Variants in AZIN2 observed in about 807,000 individuals in gnomAD.
AZIN2 encodes antizyme inhibitor 2, also known as ODC antizyme inhibitor-2.
Under a neutral mutation model 47.8 loss-of-function variants are expected in AZIN2, and 28 were observed. The ratio of observed to expected loss-of-function variants is 0.59; its 90% confidence interval spans 0.43 to 0.80. The LOEUF (loss-of-function observed/expected upper bound fraction) is 0.80. Ranked by LOEUF, AZIN2 falls within the 30% of genes least tolerant of loss-of-function variation. The probability of loss-of-function intolerance (pLI) is 0.00; values close to 1 mark genes in which losing one functional copy is unlikely to be tolerated. For missense variants in AZIN2, 535 were observed against 582.5 expected, an observed-to-expected ratio of 0.92 and a Z score of 0.84; for synonymous variants, 221 against 239.4, an observed-to-expected ratio of 0.92 and a Z score of 0.71.
chr1:33,101,928 C>T (rs749842261), intron 10 of AZIN2: 6 of 774,216 alleles, frequency 7.7e-6, no homozygotes, highest in Non-Finnish European at 1.4e-5. Context: ...TTTATTTGTC[C>T]ATTCTCCTCT....
At chr1:33,130,888 C>G in the AZIN2 span, among the ~76,000 whole-genome samples, 1 of 152,048 alleles carries the variant, frequency 6.6e-6, no homozygotes, top group Non-Finnish European at 1.5e-5. Flanking sequence ...TGAGATATGT[C>G]TGGAAAAAGA....
At chr1:33,084,679 CT>C (rs1641684979) in intron 5 of AZIN2, among the ~76,000 whole-genome samples, 1 of 152,118 alleles carries the variant, frequency 6.6e-6, no homozygotes, top group Admixed American at 6.5e-5. Context: ...TCACTGCAAC[CT>C]TCGCCTCCCG....
chr1:33,160,296 G>C, the AZIN2 span, among the ~76,000 whole-genome samples: 1 of 152,114 alleles, frequency 6.6e-6, no homozygotes, highest in Non-Finnish European at 1.5e-5. Flanking sequence ...ATAATGCCCA[G>C]GTTTCTGGCT....
In AZIN2 at chr1:33,113,349, T is replaced by C. The variant is rs564256286; in HGVS notation, c.1030-4553T>C. Among the ~76,000 whole-genome samples, 25 of 152,364 alleles carry C rather than the reference T, an allele frequency of 1.6e-4. No individual in the cohort carries two copies. Among genetic ancestry groups the C allele is most frequent in the Middle Eastern group, 3.4e-3 (1 of 294 alleles). On this transcript the variant is annotated intron_variant, in intron 10 of 11. Coordinates refer to ENST00000294517, the MANE Select transcript of AZIN2 (RefSeq NM_052998.4). This position sits in a 1 kb window ranked among gnomAD's most constrained non-coding sequence, Gnocchi z 4.1. ...ATCCAAGAATGTAATAGCTTAATGC[T>C]TTCACTACTATTGTGAGTGAAAACT...
At chr1:33,136,113 CCCTT>C in the AZIN2 span, among the ~76,000 whole-genome samples, 30,628 of 103,114 alleles carry the variant, frequency 0.3, 4,958 homozygotes, top group South Asian at 0.38. Flanking sequence ...CAGGGGCCAG[CCCTT>C]CCTTCCTTCC....
At chr1:33,136,142 C>G in the AZIN2 span, among the ~76,000 whole-genome samples, 1 of 147,634 alleles carries the variant, frequency 6.8e-6, no homozygotes, top group Non-Finnish European at 1.5e-5. Flanking sequence ...TTCCTTCCTT[C>G]CTTCCTTCCT....
chr1:33,141,111 G>A, the AZIN2 span, among the ~76,000 whole-genome samples: 2 of 152,056 alleles, frequency 1.3e-5, no homozygotes, highest in Non-Finnish European at 2.9e-5. Flanking sequence ...GGCCCGTGAT[G>A]CTGACTGGCA....
the AZIN2 span, chr1:33,158,272 C>T: frequency 1.9e-6 from 3 of 1,613,948 alleles, no homozygotes; most frequent in Admixed American, 3.3e-5. Flanking sequence ...TGTCCTGGAA[C>T]AGGGACTTCC....
chr1:33,158,428 GGGCCCCGCAGCCACCTTCAGGGCAGC>G, the AZIN2 span: 1 of 1,459,620 alleles, frequency 6.9e-7, no homozygotes. Context: ...CCAATGCCAG[GGGCCCCGCAGCCACCTTCAGGGCAGC>G]TGGCATAGGA....
At position 33,119,790 on chromosome 1, in the gene AZIN2, A is replaced by G. The variant is rs1644730746; in HGVS notation, c.1245-254A>G. On this transcript the variant is annotated intron_variant, in intron 11 of 11. Coordinates refer to ENST00000294517, the MANE Select transcript of AZIN2 (RefSeq NM_052998.4). ...GGTTTTTGGGAAGATACAAATAGAT[A>G]ATATAAGTGCCTGGCATGATGTCTG... is the stretch of plus-strand genomic sequence containing the variant. 7 of 560,886 alleles carry G rather than the reference A, an allele frequency of 1.2e-5. No individual in the cohort carries two copies. In the Admixed American group the frequency reaches 2.2e-4, roughly 18 times the overall value. 34.7% of individuals were successfully genotyped at this position (560,886 alleles called of 1,614,324 possible).
intron 6 of AZIN2, 91 bp from the exon 7 acceptor site, chr1:33,093,191 A>G: frequency 6.4e-7 from 1 of 1,562,280 alleles, no homozygotes; most frequent in Non-Finnish European, 8.7e-7. Context: ...GGTGGCTCTG[A>G]GCCATGTAGC....
intron 5 of AZIN2, among the ~76,000 whole-genome samples, chr1:33,088,099 G>T (rs1045412178): frequency 4.6e-5 from 7 of 152,066 alleles, no homozygotes; most frequent in African/African-American, 1.7e-4. Flanking sequence ...CTCAGAAGAA[G>T]GGTTATCTCC....
chr1:33,110,353 C>G (rs924028589), intron 10 of AZIN2, among the ~76,000 whole-genome samples: 43 of 152,232 alleles, frequency 2.8e-4, no homozygotes, highest in African/African-American at 9.9e-4. Context: ...AGCTCACAGT[C>G]AAAAATCACA....
At chr1:33,128,815 G>GA in the AZIN2 span, among the ~76,000 whole-genome samples, 3 of 152,150 alleles carry the variant, frequency 2.0e-5, no homozygotes, top group Non-Finnish European at 1.5e-5. Context: ...CCTACTTATG[G>GA]AAAAATCAGT....
intron 10 of AZIN2, among the ~76,000 whole-genome samples, chr1:33,109,431 C>T (rs973874711): frequency 6.6e-6 from 1 of 151,538 alleles, no homozygotes; most frequent in Non-Finnish European, 1.5e-5. Flanking sequence ...CAGGCTCAAG[C>T]GATTCTCCTG....
the AZIN2 span, chr1:33,159,985 G>C: frequency 6.3e-7 from 1 of 1,584,344 alleles, no homozygotes; most frequent in Non-Finnish European, 8.6e-7. This position sits in a 1 kb window ranked among gnomAD's most constrained non-coding sequence, Gnocchi z 4.2. Flanking sequence ...TGGGGGAGCA[G>C]ATGGGGTGAT....
intron 5 of AZIN2, among the ~76,000 whole-genome samples, chr1:33,088,143 GC>G (rs1642137379): frequency 6.6e-6 from 1 of 152,130 alleles, no homozygotes; most frequent in Admixed American, 6.6e-5. Context: ...ATATGCCACT[GC>G]TTCCCACATT....
At chr1:33,134,437 C>T in the AZIN2 span, among the ~76,000 whole-genome samples, 2 of 152,054 alleles carry the variant, frequency 1.3e-5, no homozygotes, top group African/African-American at 4.8e-5. Context: ...AATAATACTG[C>T]CTCTGTTTAT....
At chr1:33,136,867 C>T in the AZIN2 span, among the ~76,000 whole-genome samples, 24 of 151,788 alleles carry the variant, frequency 1.6e-4, no homozygotes, top group Admixed American at 5.2e-4. Flanking sequence ...CGTGGTGGTG[C>T]GTGCTTGTAG....
Sources: gnomAD v4.1 joint callset for allele counts (sites outside exome capture counted in the v4.1 genomes callset) on GRCh38, gnomAD v4.1.1 for gene constraint, Gnocchi (gnomAD v3.1) non-coding constraint, MANE v1.5 for transcripts, NCBI Gene and HGNC (gene_info 2026-07-23, HGNC 2026-07-21) for gene names.